The following GLG1 variants were observed in gnomAD, a reference collection of about 807,000 sequenced individuals.
The protein encoded by GLG1 is golgi glycoprotein 1.
GLG1 carries 38 observed loss-of-function variants against 160.5 expected under a neutral mutation model. That is an observed-to-expected ratio of 0.24 (90% confidence interval 0.18 to 0.31). GLG1 has a LOEUF of 0.31. GLG1 is among the 10% of genes least tolerant of loss of function. The pLI is 1.00. For synonymous variants in GLG1, 644 were observed against 543.4 expected, an observed-to-expected ratio of 1.19 and a Z score of -2.57; for missense variants, 1,373 against 1,505.2, an observed-to-expected ratio of 0.91 and a Z score of 1.45.
chr16:74,468,026 G>A (rs61278296), intron 17 of GLG1, 178 bp from the exon 18 acceptor site: 9,999 of 546,744 alleles, frequency 0.018, 141 homozygotes, highest in Non-Finnish European at 0.019. Flanking sequence ...ATAGCTGCAT[G>A]GCCTTGGACC....
At chr16:74,471,569 C>T (rs2015209821) in intron 14 of GLG1, among the ~76,000 whole-genome samples, 2 of 152,110 alleles carry the variant, frequency 1.3e-5, no homozygotes, top group Admixed American at 6.6e-5. Flanking sequence ...CATAGCCTCC[C>T]AACTGTCAGA....
intron 10 of GLG1, 141 bp downstream of exon 10, chr16:74,482,882 T>G (rs1454907713): frequency 1.9e-5 from 12 of 635,240 alleles, no homozygotes; most frequent in South Asian, 1.0e-4. Flanking sequence ...GAATAGTTTT[T>G]CAGGGGATTG....
intron 1 of GLG1, among the ~76,000 whole-genome samples, chr16:74,598,729 C>T (rs966179149): frequency 6.7e-6 from 1 of 149,328 alleles, no homozygotes; most frequent in Non-Finnish European, 1.5e-5. Flanking sequence ...CTCGTCTCTA[C>T]AAAAATTAGC....
At chr16:74,527,470 G>C (rs11641702) in intron 2 of GLG1, among the ~76,000 whole-genome samples, 1 of 151,744 alleles carries the variant, frequency 6.6e-6, no homozygotes, top group Non-Finnish European at 1.5e-5. Context: ...GGCTGGTCTC[G>C]AACTCCTGAC....
At chr16:74,553,634 G>A (rs1243436175) in intron 1 of GLG1, among the ~76,000 whole-genome samples, 8 of 151,924 alleles carry the variant, frequency 5.3e-5, no homozygotes, top group South Asian at 4.2e-4. Flanking sequence ...CACCACGCCC[G>A]GCTAATTTTT....
chr16:74,528,435 T>C (rs2017410271), intron 2 of GLG1, among the ~76,000 whole-genome samples: 3 of 152,138 alleles, frequency 2.0e-5, no homozygotes, highest in Admixed American at 2.0e-4. Context: ...CAGCTGTCAT[T>C]TTCCTTCCCT....
Position 74,529,533 on chromosome 16 carries a change from A to G in GLG1, c.471+2588T>C, listed in dbSNP as rs148602632. On this transcript the variant is annotated intron_variant, in intron 2 of 25. Coordinates refer to ENST00000422840, the MANE Select transcript of GLG1 (RefSeq NM_001145667.2). ...TTGAAGTCCTTGTCTGCTATTAATA[A>G]TTCCAATATATGAATTACCTCTTCT... 6.3e-3 allele frequency among the ~76,000 whole-genome samples: 951 copies of G among 152,014 alleles called. 6 individuals are homozygous for G. The highest frequency in any genetic ancestry group is 0.01 in the Middle Eastern group (3 of 294).
chr16:74,598,622 G>A (rs1450358634), intron 1 of GLG1, among the ~76,000 whole-genome samples: 1 of 151,966 alleles, frequency 6.6e-6, no homozygotes, highest in African/African-American at 2.4e-5. Context: ...GCCGGGCGCG[G>A]TGGCTCACGT....
intron 5 of GLG1, 88 bp downstream of exon 5, chr16:74,496,352 CA>C: frequency 3.1e-6 from 3 of 953,142 alleles, no homozygotes; most frequent in Non-Finnish European, 4.8e-6. Context: ...CTCAATCTCT[CA>C]AAAAACAACA....
At position 74,479,133 on chromosome 16, in the gene GLG1, G is replaced by GAGAA. The variant is rs1326813500; in HGVS notation, c.1827+1104_1827+1107dup. ...CCAGCTACTCGGGAGGCTGAGGCAG[G>GAGAA]AGAATCACTTGAGCCAGGAGGAAGA... On this transcript the variant is annotated intron_variant, in intron 11 of 25. Coordinates refer to ENST00000422840, the MANE Select transcript of GLG1 (RefSeq NM_001145667.2). Among the ~76,000 whole-genome samples the GAGAA allele has an allele frequency of 5.9e-5, 8 of 135,040 alleles. No homozygotes were observed. In the South Asian group the frequency reaches 1.7e-3, roughly 29 times the overall value. 88.6% of individuals were successfully genotyped at this position (135,040 alleles called of 152,430 possible).
chr16:74,528,811 CAA>C (rs35777516), intron 2 of GLG1, among the ~76,000 whole-genome samples: 7,450 of 62,298 alleles, frequency 0.12, 157 homozygotes, highest in Middle Eastern at 0.19. Context: ...GATTCTGTCT[CAA>C]AAAAAAAAAA....
At chr16:74,506,327 C>A (rs1396981725) in intron 3 of GLG1, among the ~76,000 whole-genome samples, 1 of 151,516 alleles carries the variant, frequency 6.6e-6, no homozygotes, top group Non-Finnish European at 1.5e-5. Context: ...ACCTGTAATC[C>A]CGGCACTTTG....
rs2014261193 is a variant in GLG1, at chr16:74,450,841, C to CTT, written c.*2325_*2326insAA. On this transcript the variant is annotated 3_prime_UTR_variant, in exon 26 of 26. Transcript: ENST00000422840. Reference sequence around the variant, plus strand: ...GCAGCCTGGGCAACAGAGAGATACTCTGTCTCAAAAAAAAAAAAAAAGACA... The same window carrying CTT: ...GCAGCCTGGGCAACAGAGAGATACTCTTTGTCTCAAAAAAAAAAAAAAAGACA... 2.1e-5 allele frequency: 3 copies of CTT among 145,068 alleles called. No homozygotes were observed. The South Asian group carries it at 6.6e-4, about 32-fold the overall frequency. The allele number at this position is 145,068 out of a possible 1,614,324, so 9.0% of individuals were successfully genotyped here.
intron 1 of GLG1, among the ~76,000 whole-genome samples, chr16:74,597,120 A>C (rs1231657024): frequency 6.6e-6 from 1 of 151,822 alleles, no homozygotes; most frequent in African/African-American, 2.4e-5. Context: ...CCTCGTCTCA[A>C]ACAAACAAAA....
In GLG1 at chr16:74,565,937, T is replaced by C. The variant is rs115391638; in HGVS notation, c.439-33784A>G. ...GATCCCATCCAGGATTTAGTCACCA[T>C]GCCTTCTTAGGCTCCTTGTTCTGAT... On this transcript the variant is annotated intron_variant, in intron 1 of 25. Transcript: ENST00000422840. Among the ~76,000 whole-genome samples, 1,172 of 152,348 alleles carry C rather than the reference T, an allele frequency of 7.7e-3. 16 individuals carry two copies. The highest frequency in any genetic ancestry group is 0.026 in the African/African-American group (1,097 of 41,588).
In GLG1 at chr16:74,527,758, G is replaced by T. The variant is rs562410175; in HGVS notation, c.471+4363C>A. 9.9e-5 allele frequency among the ~76,000 whole-genome samples: 15 copies of T among 151,952 alleles called. 1 individual carries two copies. Among genetic ancestry groups the T allele is most frequent in the African/African-American group, 3.6e-4 (15 of 41,418 alleles). On this transcript the variant is annotated intron_variant, in intron 2 of 25. Coordinates refer to ENST00000422840, the MANE Select transcript of GLG1 (RefSeq NM_001145667.2). ...TTTATTTTTTTTGAGATAGAGTCTT[G>T]CTCTGTCGGCCAGGGGTGAGTGCCG...
chr16:74,459,886 A>G, intron 22 of GLG1, 97 bp from the exon 23 acceptor site: 1 of 630,496 alleles, frequency 1.6e-6, no homozygotes, highest in Non-Finnish European at 2.7e-6. Flanking sequence ...AACAGAGCCA[A>G]GCTCTGTCAC....
chr16:74,510,321 G>C (rs1303129673), intron 2 of GLG1, among the ~76,000 whole-genome samples: 1 of 152,156 alleles, frequency 6.6e-6, no homozygotes, highest in Non-Finnish European at 1.5e-5. Context: ...GTGAGCCACT[G>C]CACCCAGCCC....
intron 2 of GLG1, among the ~76,000 whole-genome samples, chr16:74,531,783 C>T (rs904493353): frequency 7.9e-5 from 12 of 152,082 alleles, no homozygotes; most frequent in East Asian, 1.9e-4. Context: ...GCTACTATAG[C>T]GTTTGGCAAA....
Sources: allele counts gnomAD v4.1 joint callset (sites outside exome capture counted in the v4.1 genomes callset), GRCh38; gene constraint gnomAD v4.1.1; transcripts MANE v1.5; gene names NCBI Gene and HGNC (gene_info 2026-07-23, HGNC 2026-07-21).